KIF15: variants seen among roughly 807,000 people sequenced by gnomAD.
KIF15 encodes the protein kinesin family member 15, also known as kinesin-like protein KIF15.
A neutral mutation model predicts 190.6 loss-of-function variants in KIF15; 140 were observed. That is an observed-to-expected ratio of 0.73 (90% CI 0.64 to 0.84). KIF15 has a LOEUF of 0.84. KIF15 is among the 40% of genes least tolerant of loss of function. The pLI, the probability that KIF15 is intolerant of heterozygous loss-of-function variation, is 0.00. For missense variants in KIF15, 1,372 were observed against 1,584.4 expected (o/e 0.87, Z 2.28); for synonymous variants, 528 against 551.3 (o/e 0.96, Z 0.59).
At position 44,802,892 on chromosome 3, in the gene KIF15, T is replaced by C; in HGVS notation, c.1588T>C (p.Leu530=). The C allele has an allele frequency of 6.2e-7, 1 of 1,612,542 alleles. No individual in the cohort carries two copies. The highest frequency in any genetic ancestry group is 1.1e-5 in the South Asian group (1 of 90,720). ...GGAGGAGAATAGAAGACTGAGATTA[T>C]TAGAGCCTGTGAAAAGAGCTCAAGA... ...LREENRRLRL[L]EPVKRAQEMD... is the part of the protein sequence containing the mutation. Residue 530 remains leucine, a synonymous_variant, in exon 14 of 35, where the codon TTA becomes CTA. Transcript: ENST00000326047.
intron 21 of KIF15, 53 bp downstream of exon 21, chr3:44,826,242 T>C (rs1697637057): frequency 6.4e-7 from 1 of 1,555,972 alleles, no homozygotes; most frequent in South Asian, 1.2e-5. Flanking sequence ...CTTTTGAGTG[T>C]AGGACAAGGA....
rs1458653925 is a variant in KIF15 at position 44,780,885 on chromosome 3, T to C, written c.324T>C (p.Tyr108=). ...ATAATATGTAAAACATTTTTTACAG[T>C]GGACAGACTGGCTCAGGGAAGACAT... ...MSGYNGTIFA[Y]GQTGSGKTFT... Residue 108 remains tyrosine, a splice_region_variant and synonymous_variant, in exon 5 of 35, where the codon TAT becomes TAC. Coordinates refer to ENST00000326047, the MANE Select transcript of KIF15 (RefSeq NM_020242.3). The C allele has an allele frequency of 3.1e-6, 5 of 1,591,620 alleles. No homozygotes were observed. The highest frequency in any genetic ancestry group is 4.3e-6 in the Non-Finnish European group (5 of 1,165,428).
At chr3:44,778,654 C>T (rs1377510855) in intron 4 of KIF15, among the ~76,000 whole-genome samples, 1 of 152,074 alleles carries the variant, frequency 6.6e-6, no homozygotes. Flanking sequence ...GAGTATCTGT[C>T]TATCTATATA....
At chr3:44,852,625 G>T in intron 34 of KIF15, 48 bp from the exon 35 acceptor site, 1 of 1,400,332 alleles carries the variant, frequency 7.1e-7, no homozygotes, top group Admixed American at 2.1e-5. Context: ...CTTCCTGTAA[G>T]AATTAGAGCC....
At chr3:44,806,619 G>T (rs1012742396) in intron 16 of KIF15, among the ~76,000 whole-genome samples, 6 of 152,152 alleles carry the variant, frequency 3.9e-5, no homozygotes. Context: ...TTTTTTGAAG[G>T]TTAAAAAATT....
intron 5 of KIF15, among the ~76,000 whole-genome samples, chr3:44,781,297 G>A (rs1204313850): frequency 1.3e-5 from 2 of 152,074 alleles, no homozygotes; most frequent in African/African-American, 4.8e-5. Flanking sequence ...CATTAATATT[G>A]CTTGTTTTTG....
intron 10 of KIF15, among the ~76,000 whole-genome samples, chr3:44,798,554 G>A (rs1037992672): frequency 1.9e-4 from 29 of 151,708 alleles, no homozygotes; most frequent in Non-Finnish European, 3.7e-4. Flanking sequence ...CTCGTGATCC[G>A]TCTGCCTTGG....
chr3:44,769,999 A>C (rs947373610), intron 1 of KIF15, among the ~76,000 whole-genome samples: 1 of 152,214 alleles, frequency 6.6e-6, no homozygotes, highest in Non-Finnish European at 1.5e-5. Context: ...AATTGCTTAG[A>C]ACTAGAATAT....
Position 44,823,595 on chromosome 3 carries a change from C to T in KIF15, c.2550-2444C>T, listed in dbSNP as rs1024558721. Among the ~76,000 whole-genome samples, 4 of 152,340 alleles carry T rather than the reference C, an allele frequency of 2.6e-5. No individual in the cohort carries two copies. In the East Asian group the frequency reaches 5.8e-4, roughly 22 times the overall value. ...CTGCAGAGGTTTCTGCTGCCTTTTG[C>T]TCAGCTATGCTCTGCCCCCACAGGT... On this transcript the variant is annotated intron_variant, in intron 20 of 34. Coordinates refer to ENST00000326047, the MANE Select transcript of KIF15 (RefSeq NM_020242.3).
At chr3:44,807,803 T>G (rs959918363) in intron 16 of KIF15, among the ~76,000 whole-genome samples, 6 of 152,190 alleles carry the variant, frequency 3.9e-5, no homozygotes, top group Non-Finnish European at 7.3e-5. Flanking sequence ...ATTTTTTATT[T>G]GTTTTGGCAG....
rs139504828 is a variant in KIF15, at chr3:44,775,172, T to C, written c.63-82T>C. 2.5e-5 allele frequency: 27 copies of C among 1,078,000 alleles called. 1 individual carries two copies. The highest frequency in any genetic ancestry group is 4.7e-4 in the Middle Eastern group (2 of 4,292). The allele number at this position is 1,078,000 out of a possible 1,614,324, so 66.8% of individuals were successfully genotyped here. Reference sequence around the variant, plus strand: ...TTGGAGAAACTCATTATAGAAACATTATAGGCAATATGAGACTTGGATCCT... The same window carrying C: ...TTGGAGAAACTCATTATAGAAACATCATAGGCAATATGAGACTTGGATCCT... On this transcript the variant is annotated intron_variant, in intron 2 of 34. Coordinates refer to ENST00000326047, the MANE Select transcript of KIF15 (RefSeq NM_020242.3).
intron 7 of KIF15, among the ~76,000 whole-genome samples, chr3:44,789,660 AT>A (rs1444351978): frequency 6.0e-5 from 1 of 16,598 alleles, no homozygotes; most frequent in East Asian, 0.012. Context: ...ATATATATAT[AT>A]ATATATATAT....
At chr3:44,863,390 A>G (rs1188286351) in intron 6 of KIF15, 1 of 141,070 alleles carries the variant, frequency 7.1e-6, no homozygotes, top group African/African-American at 2.6e-5. Context: ...GGAGGCTTCT[A>G]AAGATCTTCT....
chr3:44,865,029 T>C (rs1201623249), intron 6 of KIF15: 1 of 1,613,782 alleles, frequency 6.2e-7, no homozygotes, highest in Admixed American at 1.7e-5. Flanking sequence ...ACAGCTATCT[T>C]TGTCTCGCAG....
At chr3:44,857,970 G>A (rs1384491415), downstream of KIF15, among the ~76,000 whole-genome samples, 10 of 152,196 alleles carry the variant, frequency 6.6e-5, no homozygotes, top group Non-Finnish European at 1.5e-4. Flanking sequence ...ATTGAATAAG[G>A]TGAGAAGCAG....
At chr3:44,862,071 C>T (rs1699260241) in intron 6 of KIF15, 1 of 1,112,204 alleles carries the variant, frequency 9.0e-7, no homozygotes. Context: ...CCGGCGCGTT[C>T]GGGGCCCTGG....
At chr3:44,857,823 A>T (rs1164293048), downstream of KIF15, among the ~76,000 whole-genome samples, 1 of 152,196 alleles carries the variant, frequency 6.6e-6, no homozygotes, top group Admixed American at 6.5e-5. Flanking sequence ...ATGCCGAGGT[A>T]GGTAACGGAT....
intron 20 of KIF15, among the ~76,000 whole-genome samples, chr3:44,819,197 T>C (rs1453752974): frequency 1.3e-5 from 2 of 152,214 alleles, no homozygotes; most frequent in Non-Finnish European, 2.9e-5. Flanking sequence ...AAAAACCAGC[T>C]CCTGGATTCA....
At chr3:44,796,728 T>C (rs1369415116) in intron 8 of KIF15, among the ~76,000 whole-genome samples, 1 of 152,198 alleles carries the variant, frequency 6.6e-6, no homozygotes, top group African/African-American at 2.4e-5. Flanking sequence ...CGTATTTAGC[T>C]CATTTTTTCC....
Sources: gnomAD v4.1 joint callset for allele counts (sites outside exome capture counted in the v4.1 genomes callset) on GRCh38, gnomAD v4.1.1 for gene constraint, MANE v1.5 for transcripts, NCBI Gene and HGNC (gene_info 2026-07-23, HGNC 2026-07-21) for gene names.